The following BBS4 variants were observed in gnomAD, a reference collection of about 807,000 sequenced individuals.
The protein encoded by BBS4 is Bardet-Biedl syndrome 4, also known as BBSome complex member BBS4.
In BBS4, 58 loss-of-function variants were observed where a neutral mutation model predicts 71.4. That is an observed-to-expected ratio of 0.81 (90% confidence interval 0.66 to 1.01). The LOEUF (loss-of-function observed/expected upper bound fraction) is 1.01. Among genes scored for constraint, BBS4 ranks in the 50% least tolerant of loss-of-function variants. The pLI, the probability that BBS4 is intolerant of heterozygous loss-of-function variation, is 0.00. For synonymous variants in BBS4, 228 were observed against 216.8 expected, an observed-to-expected ratio of 1.05 and a Z score of -0.46; for missense variants, 660 against 607.9, an observed-to-expected ratio of 1.09 and a Z score of -0.90.
rs1595909786 is a variant in BBS4 at position 72,698,162 on chromosome 15, C to T, written c.76+2934C>T. The T allele has an allele frequency of 1.1e-5, 4 of 353,834 alleles. No individual in the cohort carries two copies. In the East Asian group the frequency reaches 3.0e-4, roughly 26 times the overall value. 21.9% of individuals were successfully genotyped at this position (353,834 alleles called of 1,614,324 possible). On this transcript the variant is annotated intron_variant, in intron 2 of 15. Transcript: ENST00000268057. ...TTTGTCCACAACCTGAGACAACATA[C>T]TCACTATGTAAAAAACCTGATCTCA...
At chr15:72,700,623 C>T (rs1451752978) in intron 2 of BBS4, among the ~76,000 whole-genome samples, 6 of 151,920 alleles carry the variant, frequency 3.9e-5, no homozygotes. Context: ...TTTTAAATTT[C>T]TTTTTTCCTT....
At chr15:72,696,766 T>G (rs900015529) in intron 2 of BBS4, among the ~76,000 whole-genome samples, 1 of 151,824 alleles carries the variant, frequency 6.6e-6, no homozygotes, top group African/African-American at 2.4e-5. Context: ...TTATGTATTT[T>G]TTTTGTAGAA....
At chr15:72,700,966 C>G (rs2065159466) in intron 2 of BBS4, among the ~76,000 whole-genome samples, 2 of 152,020 alleles carry the variant, frequency 1.3e-5, no homozygotes, top group African/African-American at 4.8e-5. Context: ...TGATATCTTT[C>G]TATTGAAATA....
chr15:72,714,948 A>T (rs1354523600), intron 4 of BBS4, among the ~76,000 whole-genome samples: 2 of 152,244 alleles, frequency 1.3e-5, no homozygotes, highest in African/African-American at 2.4e-5. Flanking sequence ...GTAAATTATG[A>T]TAAATGAAGC....
At position 72,724,531 on chromosome 15, in the gene BBS4, C is replaced by A. The variant is rs147391634; in HGVS notation, c.463C>A (p.Gln155Lys). 11 of 1,613,924 alleles carry A rather than the reference C, an allele frequency of 6.8e-6. No individual in the cohort carries two copies. The highest frequency in any genetic ancestry group is 9.3e-6 in the Non-Finnish European group (11 of 1,179,858). The change falls in exon 8 of 16, where the codon CAA (glutamine) becomes AAA (lysine). Residue 155 changes from glutamine (Q) to lysine (K), a missense_variant. Physicochemically the swap from Gln to Lys is moderately conservative, Grantham distance 53. Transcript: ENST00000268057. ...YIYLKQFNKAQDQLHNALNLN... is the reference protein window; with the variant it reads ...YIYLKQFNKAKDQLHNALNLN... ...TTTATTTTGTTAAACTTGTCAGGCACAAGACCAGTTGCACAATGCCCTGAA... is the reference window on the plus strand; with the variant it reads ...TTTATTTTGTTAAACTTGTCAGGCAAAAGACCAGTTGCACAATGCCCTGAA...
rs1320333093 is a variant in BBS4 at position 72,737,606 on chromosome 15, C to CA, written c.*23dup. 1.9e-6 allele frequency: 3 copies of CA among 1,570,456 alleles called. No homozygotes were observed. Among genetic ancestry groups the CA allele is most frequent in the East Asian group, 2.3e-5 (1 of 43,924 alleles). ...GAAATAAGAATAGAATGAATGACCC[C>CA]AAAATAGGGTTTTCTTGGGCGAGGA... On this transcript the variant is annotated 3_prime_UTR_variant, in exon 16 of 16. Transcript: ENST00000268057.
intron 7 of BBS4, 81 bp from the exon 8 acceptor site, chr15:72,724,447 G>A: frequency 6.3e-7 from 1 of 1,584,930 alleles, no homozygotes; most frequent in Non-Finnish European, 8.6e-7. Flanking sequence ...ACAGCAGAAA[G>A]TGTCTTTACA....
chr15:72,738,120 T>C lies in BBS4; in HGVS notation c.*533T>C, dbSNP rs1429202620. The stretch of plus-strand genomic sequence containing the variant: ...AGAAAAAAAACAAAAGCCCTGGAAG[T>C]TGAGGCCAAGCCTGCTGAGTATTGC... On this transcript the variant is annotated 3_prime_UTR_variant, in exon 16 of 16. Coordinates refer to ENST00000268057, the MANE Select transcript of BBS4 (RefSeq NM_033028.5). The C allele has an allele frequency of 4.4e-6, 2 of 452,724 alleles. No homozygotes were observed. The highest frequency in any genetic ancestry group is 2.4e-5 in the Admixed American group (1 of 42,284). 28.0% of individuals were successfully genotyped at this position (452,724 alleles called of 1,614,324 possible).
intron 1 of BBS4, chr15:72,686,825 A>T: frequency 3.0e-6 from 1 of 337,218 alleles, no homozygotes; most frequent in Admixed American, 4.1e-5. Context: ...TATATCTATA[A>T]TTGGATCTAA....
chr15:72,736,367 A>G (rs2065924705), intron 14 of BBS4, among the ~76,000 whole-genome samples: 1 of 150,430 alleles, frequency 6.6e-6, no homozygotes, highest in South Asian at 2.1e-4. Flanking sequence ...TCAGCCTTCC[A>G]AGTAGCTGGG....
At chr15:72,729,872 A>G (rs1424860782) in intron 10 of BBS4, among the ~76,000 whole-genome samples, 188 bp downstream of exon 10, 1 of 152,228 alleles carries the variant, frequency 6.6e-6, no homozygotes, top group Non-Finnish European at 1.5e-5. Context: ...ATCTTCTAAA[A>G]GTGCACATTT....
At chr15:72,687,926 C>A (rs2064896143) in intron 1 of BBS4, among the ~76,000 whole-genome samples, 1 of 150,284 alleles carries the variant, frequency 6.7e-6, no homozygotes. Context: ...GAGCAAAACT[C>A]CGTCTCAGAA....
At chr15:72,728,447 G>C (rs1208038160) in intron 9 of BBS4, among the ~76,000 whole-genome samples, 1 of 152,006 alleles carries the variant, frequency 6.6e-6, no homozygotes, top group Non-Finnish European at 1.5e-5. Context: ...GCAGTGAGCT[G>C]AGATTGAGTC....
intron 1 of BBS4, among the ~76,000 whole-genome samples, chr15:72,688,503 T>C (rs376890295): frequency 4.3e-5 from 6 of 139,404 alleles, no homozygotes; most frequent in African/African-American, 1.6e-4. Context: ...AACCTCTGCC[T>C]CCCGGGTTCA....
intron 1 of BBS4, among the ~76,000 whole-genome samples, chr15:72,694,437 C>T (rs1196298068): frequency 2.6e-5 from 4 of 152,030 alleles, no homozygotes; most frequent in East Asian, 1.9e-4. Context: ...GTGATCCTCT[C>T]GCCTTGGCCT....
chr15:72,689,586 A>G (rs1023564881), intron 1 of BBS4, among the ~76,000 whole-genome samples: 1 of 152,110 alleles, frequency 6.6e-6, no homozygotes, highest in Non-Finnish European at 1.5e-5. Context: ...CACAAAAATT[A>G]GCCAGACGTG....
intron 13 of BBS4, 40 bp from the exon 14 acceptor site, chr15:72,735,785 T>G: frequency 6.2e-7 from 1 of 1,613,698 alleles, no homozygotes; most frequent in Non-Finnish European, 8.5e-7. Context: ...GACCATTTGT[T>G]GCAGAGCCCC....
intron 14 of BBS4, 75 bp downstream of exon 14, chr15:72,736,041 C>T (rs2065916648): frequency 6.5e-6 from 10 of 1,547,510 alleles, no homozygotes; most frequent in Non-Finnish European, 8.9e-6. Context: ...CCAGATCATC[C>T]AAATCCAAGG....
intron 1 of BBS4, 71 bp from the exon 2 acceptor site, chr15:72,695,106 A>G (rs985508535): frequency 1.4e-5 from 15 of 1,067,736 alleles, no homozygotes; most frequent in Non-Finnish European, 2.0e-5. Flanking sequence ...TATTCTTGTT[A>G]TTTGGATGCT....
Sources: allele counts gnomAD v4.1 joint callset (sites outside exome capture counted in the v4.1 genomes callset), GRCh38; gene constraint gnomAD v4.1.1; transcripts MANE v1.5; gene names NCBI Gene and HGNC (gene_info 2026-07-23, HGNC 2026-07-21).